Variants in CCDC178 observed in about 807,000 individuals in gnomAD.
CCDC178 encodes coiled-coil domain-containing protein 178.
In CCDC178, 126 loss-of-function variants were observed where a neutral mutation model predicts 117.4. The ratio of observed to expected loss-of-function variants is 1.07; its 90% CI spans 0.93 to 1.24. The LOEUF (loss-of-function observed/expected upper bound fraction) is 1.24. CCDC178 is among the 50% of genes most tolerant of loss of function. The pLI is 0.00. For synonymous variants in CCDC178, 283 were observed against 313.4 expected (o/e 0.90, Z 1.02); for missense variants, 1,030 against 986.9 (o/e 1.04, Z -0.59).
chr18:33,426,391 C>T (rs2064125806), intron 2 of CCDC178, among the ~76,000 whole-genome samples: 1 of 152,204 alleles, frequency 6.6e-6, no homozygotes, highest in Non-Finnish European at 1.5e-5. Context: ...AGGAATCCAT[C>T]AATTTGACCA....
chr18:33,339,004 T>C (rs573197469), intron 9 of CCDC178, among the ~76,000 whole-genome samples: 2 of 152,158 alleles, frequency 1.3e-5, no homozygotes, highest in Admixed American at 1.3e-4. Flanking sequence ...ATAAATAGAT[T>C]CCATAAGAAA....
chr18:32,940,561 T>C (rs2054215270), intron 22 of CCDC178, among the ~76,000 whole-genome samples: 1 of 151,932 alleles, frequency 6.6e-6, no homozygotes, highest in Non-Finnish European at 1.5e-5. Flanking sequence ...GGTAAACTTT[T>C]TTGTTTTGTA....
intron 21 of CCDC178, among the ~76,000 whole-genome samples, chr18:33,030,424 C>A (rs539759789): frequency 5.3e-5 from 8 of 151,890 alleles, no homozygotes; most frequent in Non-Finnish European, 1.2e-4. Flanking sequence ...CAATTTCTGT[C>A]TTTAGATTAG....
intron 20 of CCDC178, among the ~76,000 whole-genome samples, chr18:33,096,321 T>TATATAAAA (rs1337560510): frequency 1.0e-5 from 1 of 99,734 alleles, no homozygotes; most frequent in African/African-American, 5.8e-5. Context: ...TTTTATATTT[T>TATATAAAA]ATATAAAAAT....
intron 20 of CCDC178, among the ~76,000 whole-genome samples, chr18:33,160,831 A>C (rs1408554766): frequency 6.6e-6 from 1 of 152,042 alleles, no homozygotes; most frequent in African/African-American, 2.4e-5. Flanking sequence ...GAGTAACCAC[A>C]CTACTTCCTC....
At chr18:33,431,936 G>A (rs1203336676) in intron 2 of CCDC178, among the ~76,000 whole-genome samples, 1 of 152,200 alleles carries the variant, frequency 6.6e-6, no homozygotes, top group Non-Finnish European at 1.5e-5. Context: ...TAGGATCAGT[G>A]AGGTGGTGAT....
intron 21 of CCDC178, among the ~76,000 whole-genome samples, chr18:33,064,679 G>T (rs2056980848): frequency 6.6e-6 from 1 of 152,130 alleles, no homozygotes; most frequent in Admixed American, 6.5e-5. Flanking sequence ...AATTAAAATA[G>T]AACTGTTATA....
chr18:33,397,616 C>G (rs964896788), intron 3 of CCDC178, among the ~76,000 whole-genome samples: 1 of 152,146 alleles, frequency 6.6e-6, no homozygotes, highest in Admixed American at 6.5e-5. Context: ...TATGACATAG[C>G]CCAGTTTATT....
intron 19 of CCDC178, among the ~76,000 whole-genome samples, chr18:33,213,799 C>G (rs1362058911): frequency 2.2e-4 from 34 of 151,906 alleles, no homozygotes; most frequent in Admixed American, 2.2e-3. Context: ...AAATGAGGGT[C>G]AAGGATGGCT....
chr18:33,280,472 G>T (rs1197866532), intron 12 of CCDC178, among the ~76,000 whole-genome samples: 132 of 151,512 alleles, frequency 8.7e-4, no homozygotes, highest in Middle Eastern at 6.8e-3. Context: ...GGAGAGGATG[G>T]GGAGAAATAG....
chr18:33,339,081 T>C (rs1181718002), intron 9 of CCDC178, among the ~76,000 whole-genome samples: 1 of 152,276 alleles, frequency 6.6e-6, no homozygotes, highest in East Asian at 1.9e-4. Flanking sequence ...TGAGCATTTA[T>C]AAAATGCAAC....
At chr18:33,086,421 T>TACACACACAC (rs1478336362) in intron 21 of CCDC178, among the ~76,000 whole-genome samples, 5 of 149,620 alleles carry the variant, frequency 3.3e-5, no homozygotes, top group African/African-American at 1.2e-4. Context: ...TATATAAATA[T>TACACACACAC]ATATACACAC....
chr18:33,114,661 T>C (rs933647685), intron 20 of CCDC178, among the ~76,000 whole-genome samples: 7 of 152,102 alleles, frequency 4.6e-5, no homozygotes, highest in Non-Finnish European at 8.8e-5. Flanking sequence ...TGGCAATATG[T>C]AGATTAAATG....
chr18:33,399,977 G>C (rs1340313641), intron 3 of CCDC178, among the ~76,000 whole-genome samples: 2 of 152,010 alleles, frequency 1.3e-5, no homozygotes, highest in East Asian at 3.8e-4. Flanking sequence ...ATTACCCCTT[G>C]ATCCACAGGC....
At chr18:33,089,471 A>T (rs1453749220) in intron 21 of CCDC178, among the ~76,000 whole-genome samples, 1 of 152,160 alleles carries the variant, frequency 6.6e-6, no homozygotes, top group Non-Finnish European at 1.5e-5. Flanking sequence ...CAAACAATAT[A>T]GCACAAATAC....
At chr18:33,210,644 G>A (rs886490689) in intron 20 of CCDC178, among the ~76,000 whole-genome samples, 18 of 151,906 alleles carry the variant, frequency 1.2e-4, no homozygotes, top group African/African-American at 4.1e-4. Context: ...TGCTTAAATC[G>A]GTAAATAACT....
At chr18:33,258,513 T>C (rs2059706286) in intron 14 of CCDC178, among the ~76,000 whole-genome samples, 1 of 152,166 alleles carries the variant, frequency 6.6e-6, no homozygotes, top group Admixed American at 6.6e-5. Context: ...TGTCATTCTC[T>C]ACCACATTAT....
chr18:33,329,092 T>C (rs943008810), intron 10 of CCDC178, among the ~76,000 whole-genome samples: 11 of 152,186 alleles, frequency 7.2e-5, no homozygotes, highest in African/African-American at 2.7e-4. Flanking sequence ...TTTTGGATTG[T>C]TCACCACTAA....
At chr18:33,172,147 G>T (rs533789115) in intron 20 of CCDC178, among the ~76,000 whole-genome samples, 2 of 151,920 alleles carry the variant, frequency 1.3e-5, no homozygotes, top group Admixed American at 6.6e-5. Flanking sequence ...CACCTGCCTC[G>T]GCCTCCCAAA....
Sources: gnomAD v4.1 joint callset for allele counts (sites outside exome capture counted in the v4.1 genomes callset) on GRCh38, gnomAD v4.1.1 for gene constraint, MANE v1.5 for transcripts, NCBI Gene and HGNC (gene_info 2026-07-23, HGNC 2026-07-21) for gene names.